Variants in PAPOLA observed in about 807,000 individuals in gnomAD.
PAPOLA encodes the protein polynucleotide adenylyltransferase alpha.
A neutral mutation model predicts 100.6 loss-of-function variants in PAPOLA; 15 were observed. That is an observed-to-expected ratio of 0.15 (90% CI 0.10 to 0.23). The LOEUF (loss-of-function observed/expected upper bound fraction) is 0.23. PAPOLA is among the 10% of genes least tolerant of loss of function. The pLI, the probability that PAPOLA is intolerant of heterozygous loss-of-function variation, is 1.00. For missense variants in PAPOLA, 533 were observed against 884.2 expected, an observed-to-expected ratio of 0.60 and a Z score of 5.04; for synonymous variants, 293 against 300.0, an observed-to-expected ratio of 0.98 and a Z score of 0.24.
chr14:96,535,459 G>A lies in PAPOLA; in HGVS notation c.910-420G>A, dbSNP rs564469037. On this transcript the variant is annotated intron_variant, in intron 10 of 21. Transcript: ENST00000216277. The stretch of plus-strand genomic sequence containing the variant: ...GTTAATAAGCTTGAACTCCTTAATA[G>A]TTTCAGGGTATATTAAGAACTTAAG... 1.8e-5 allele frequency: 18 copies of A among 984,126 alleles called. No individual in the cohort carries two copies. The South Asian group carries it at 6.6e-4, about 36-fold the overall frequency. 61.0% of individuals were successfully genotyped at this position (984,126 alleles called of 1,614,324 possible). A position where few individuals can be genotyped will look rare whatever the true frequency, so the allele number is the denominator to read the frequency against.
chr14:96,541,999 T>G (rs2140303108), intron 12 of PAPOLA: 1 of 292,420 alleles, frequency 3.4e-6, no homozygotes, highest in South Asian at 9.4e-5. Flanking sequence ...TTTATGCTTC[T>G]TGAATTAAGC....
intron 6 of PAPOLA, among the ~76,000 whole-genome samples, chr14:96,530,857 C>G (rs1019256008): frequency 6.6e-6 from 1 of 152,154 alleles, no homozygotes; most frequent in African/African-American, 2.4e-5. Context: ...TCCTGTCACC[C>G]AGGCTGGAGT....
At chr14:96,542,486 T>C (rs1595540947) in intron 13 of PAPOLA, 190 bp downstream of exon 13, 1 of 557,834 alleles carries the variant, frequency 1.8e-6, no homozygotes, top group Non-Finnish European at 3.2e-6. Flanking sequence ...ATTTTTTTGT[T>C]TGCTTTATGG....
intron 9 of PAPOLA, chr14:96,533,030 A>AT: frequency 1.0e-6 from 1 of 980,986 alleles, no homozygotes; most frequent in Non-Finnish European, 1.2e-6. Context: ...GTTTCTTGTG[A>AT]TTGTTTTTTT....
At chr14:96,535,481 T>G in intron 10 of PAPOLA, 1 of 985,608 alleles carries the variant, frequency 1.0e-6, no homozygotes, top group South Asian at 4.7e-5. Context: ...ATTAAGAACT[T>G]AAGTTTCTAT....
chr14:96,558,994 CCCTCCCCCA>C (rs1033751722), intron 19 of PAPOLA, among the ~76,000 whole-genome samples: 8 of 151,544 alleles, frequency 5.3e-5, no homozygotes, highest in Non-Finnish European at 1.0e-4. Context: ...CCTCCTCCAT[CCCTCCCCCA>C]CTTTTCCCTG....
At chr14:96,512,337 T>C (rs1897158414) in intron 1 of PAPOLA, among the ~76,000 whole-genome samples, 1 of 152,230 alleles carries the variant, frequency 6.6e-6, no homozygotes, top group Admixed American at 6.5e-5. Flanking sequence ...CTCAAGAGTT[T>C]AGATCAGCCT....
intron 3 of PAPOLA, among the ~76,000 whole-genome samples, chr14:96,522,760 T>A (rs1898110384): frequency 6.6e-6 from 1 of 152,190 alleles, no homozygotes; most frequent in South Asian, 2.1e-4. Context: ...CATAAATACA[T>A]GGCTGGGCTT....
At chr14:96,533,993 T>C (rs937487370) in intron 9 of PAPOLA, 2 of 986,374 alleles carry the variant, frequency 2.0e-6, no homozygotes, top group Admixed American at 6.1e-5. Context: ...GGAACACATA[T>C]GAAAATGTGG....
intron 3 of PAPOLA, among the ~76,000 whole-genome samples, chr14:96,522,181 G>A (rs952197672): frequency 7.8e-4 from 108 of 138,300 alleles, no homozygotes; most frequent in African/African-American, 2.9e-3. Flanking sequence ...AAGTACAGTG[G>A]CACCATCTTG....
At chr14:96,562,078 G>A (rs1158008480) in intron 20 of PAPOLA, among the ~76,000 whole-genome samples, 1 of 151,984 alleles carries the variant, frequency 6.6e-6, no homozygotes, top group African/African-American at 2.4e-5. Flanking sequence ...ATTTTTAGTA[G>A]AGATGGGGTT....
chr14:96,520,408 G>C (rs1897852200), intron 2 of PAPOLA, among the ~76,000 whole-genome samples, 180 bp downstream of exon 2: 1 of 152,096 alleles, frequency 6.6e-6, no homozygotes, highest in Non-Finnish European at 1.5e-5. Flanking sequence ...ACGGAGTCTT[G>C]CTCGTTACCC....
At chr14:96,534,804 AT>A in intron 10 of PAPOLA, 3 of 1,262,184 alleles carry the variant, frequency 2.4e-6, no homozygotes, top group Non-Finnish European at 3.0e-6. Context: ...TTTTACTAAC[AT>A]TTTAATTTAT....
intron 3 of PAPOLA, among the ~76,000 whole-genome samples, chr14:96,524,564 C>T (rs1370337075): frequency 6.6e-6 from 1 of 152,036 alleles, no homozygotes; most frequent in Non-Finnish European, 1.5e-5. Flanking sequence ...GACTGTCGCC[C>T]AGGCTAGAGT....
chr14:96,560,739 T>G (rs1901774539), intron 20 of PAPOLA, 28 bp downstream of exon 20: 1 of 1,333,092 alleles, frequency 7.5e-7, no homozygotes, highest in Non-Finnish European at 1.1e-6. Flanking sequence ...TTAGAATACA[T>G]ACACAATTAA....
At position 96,565,271 on chromosome 14, in the gene PAPOLA, C is replaced by G. The variant is rs1289556931; in HGVS notation, c.*221C>G. The G allele has an allele frequency of 2.4e-6, 1 of 416,152 alleles. No homozygotes were observed. The highest frequency in any genetic ancestry group is 2.0e-5 in the African/African-American group (1 of 50,478). The allele number at this position is 416,152 out of a possible 1,614,324, so 25.8% of individuals were successfully genotyped here. On this transcript the variant is annotated 3_prime_UTR_variant, in exon 22 of 22. Coordinates refer to ENST00000216277, the MANE Select transcript of PAPOLA (RefSeq NM_032632.5). Reference sequence around the variant, plus strand: ...ATTGTGTTAGCAACAGTTGCATTAACTATTTCAAAAATTACTGCCTTTAAA... The same window carrying G: ...ATTGTGTTAGCAACAGTTGCATTAAGTATTTCAAAAATTACTGCCTTTAAA...
At chr14:96,519,477 G>T (rs1388005376) in intron 1 of PAPOLA, among the ~76,000 whole-genome samples, 2 of 152,172 alleles carry the variant, frequency 1.3e-5, no homozygotes, top group East Asian at 3.8e-4. Context: ...AAATAGCTGT[G>T]TGTGTGTAAA....
intron 19 of PAPOLA, among the ~76,000 whole-genome samples, chr14:96,559,261 A>G (rs1901610690): frequency 6.6e-6 from 1 of 151,910 alleles, no homozygotes; most frequent in Non-Finnish European, 1.5e-5. Flanking sequence ...GTCAAAAGAA[A>G]TTTGCTGTGG....
rs1333884167 is a variant in PAPOLA, at chr14:96,542,810, T to A, written c.1206T>A (p.Val402=). 1 of 1,612,244 alleles carries A rather than the reference T, an allele frequency of 6.2e-7. No individual in the cohort carries two copies. The highest frequency in any genetic ancestry group is 8.5e-7 in the Non-Finnish European group (1 of 1,179,458). The change falls in exon 14 of 22, where the codon GTT becomes GTA. Residue 402 remains valine, a synonymous_variant. Coordinates refer to ENST00000216277, the MANE Select transcript of PAPOLA (RefSeq NM_032632.5). ...TGGAATCAAAAATCCGAATCCTGGT[T>A]GGAAGCTTGGAGAAGAATGAATTTA... is the stretch of plus-strand genomic sequence containing the variant. ...GLVESKIRIL[V]GSLEKNEFIT... is the part of the protein sequence containing the mutation.
Sources: gnomAD v4.1 joint callset for allele counts (sites outside exome capture counted in the v4.1 genomes callset) on GRCh38, gnomAD v4.1.1 for gene constraint, MANE v1.5 for transcripts, NCBI Gene and HGNC (gene_info 2026-07-23, HGNC 2026-07-21) for gene names.